MAGI1: variants seen among roughly 807,000 people sequenced by gnomAD.
MAGI1 encodes membrane associated guanylate kinase, WW and PDZ domain containing 1.
MAGI1 carries 58 observed loss-of-function variants against 139.9 expected under a neutral mutation model. The ratio of observed to expected loss-of-function variants is 0.41; its 90% CI spans 0.34 to 0.52. The LOEUF is 0.52. Among genes scored for constraint, MAGI1 ranks in the 20% least tolerant of loss-of-function variants. MAGI1 has a pLI of 0.12. For synonymous variants in MAGI1, 812 were observed against 737.9 expected (o/e 1.10, Z -1.63); for missense variants, 1,874 against 1,901.6 (o/e 0.99, Z 0.27).
chr3:65,458,529 T>G (rs961554849), intron 5 of MAGI1, among the ~76,000 whole-genome samples: 1 of 152,158 alleles, frequency 6.6e-6, no homozygotes, highest in Non-Finnish European at 1.5e-5. Flanking sequence ...GATAACTCAT[T>G]GTAGCTTTGA....
intron 1 of MAGI1, among the ~76,000 whole-genome samples, chr3:65,732,982 T>A (rs1292293933): frequency 6.6e-6 from 1 of 152,212 alleles, no homozygotes; most frequent in African/African-American, 2.4e-5. Context: ...AAGAATCTAT[T>A]AAGTTCTTGC....
intron 1 of MAGI1, among the ~76,000 whole-genome samples, chr3:65,881,496 G>A (rs2060328092): frequency 1.3e-5 from 2 of 152,008 alleles, no homozygotes; most frequent in South Asian, 4.2e-4. Context: ...GCATGGTGGT[G>A]TGTGCCTATA....
chr3:66,027,423 C>T (rs952138561), intron 1 of MAGI1, among the ~76,000 whole-genome samples: 1 of 152,172 alleles, frequency 6.6e-6, no homozygotes, highest in Non-Finnish European at 1.5e-5. Flanking sequence ...CCCACCACAG[C>T]CTCCCTCCCT....
intron 1 of MAGI1, among the ~76,000 whole-genome samples, chr3:66,013,683 C>A (rs2067465418): frequency 6.6e-6 from 1 of 151,258 alleles, no homozygotes; most frequent in African/African-American, 2.4e-5. Context: ...ATGGCTTGAA[C>A]CCAGGACGTG....
intron 2 of MAGI1, among the ~76,000 whole-genome samples, chr3:65,609,232 T>A (rs922534489): frequency 6.6e-6 from 1 of 152,136 alleles, no homozygotes; most frequent in Non-Finnish European, 1.5e-5. Flanking sequence ...AGTTAAGATT[T>A]TTATAACTTG....
At chr3:65,403,575 C>T (rs1428161003) in intron 12 of MAGI1, among the ~76,000 whole-genome samples, 1 of 152,120 alleles carries the variant, frequency 6.6e-6, no homozygotes, top group African/African-American at 2.4e-5. Flanking sequence ...GAGAGACCTT[C>T]TTAGTTAATT....
chr3:65,579,685 A>C (rs1025861550), intron 2 of MAGI1, among the ~76,000 whole-genome samples: 1 of 147,628 alleles, frequency 6.8e-6, no homozygotes, highest in Non-Finnish European at 1.5e-5. Context: ...GTCTCTACTA[A>C]AAATGCAAAA....
intron 1 of MAGI1, among the ~76,000 whole-genome samples, chr3:65,782,585 A>AT (rs1454698269): frequency 7.9e-5 from 11 of 138,470 alleles, no homozygotes; most frequent in African/African-American, 2.1e-4. Flanking sequence ...AATAAAAACT[A>AT]TTTTTTAAAG....
chr3:65,719,180 T>A (rs2032677563), intron 1 of MAGI1, among the ~76,000 whole-genome samples: 1 of 152,002 alleles, frequency 6.6e-6, no homozygotes. Context: ...CAAACAGCAG[T>A]CTAACTACAT....
At chr3:65,394,921 C>T (rs1333403418) in intron 13 of MAGI1, among the ~76,000 whole-genome samples, 2 of 152,140 alleles carry the variant, frequency 1.3e-5, no homozygotes, top group African/African-American at 4.8e-5. Flanking sequence ...TTGTATTTCA[C>T]CTCATTTTCC....
At chr3:65,518,873 T>C (rs1177578123) in intron 2 of MAGI1, among the ~76,000 whole-genome samples, 1 of 152,094 alleles carries the variant, frequency 6.6e-6, no homozygotes, top group Non-Finnish European at 1.5e-5. Flanking sequence ...AATATGTCAC[T>C]TAACGTGAGG....
At chr3:65,974,960 T>C (rs1377011553) in intron 1 of MAGI1, among the ~76,000 whole-genome samples, 1 of 152,098 alleles carries the variant, frequency 6.6e-6, no homozygotes, top group African/African-American at 2.4e-5. Context: ...TTTGAAATAA[T>C]CAAATCTTCT....
At chr3:65,742,678 T>G (rs1171821827) in intron 1 of MAGI1, among the ~76,000 whole-genome samples, 1 of 152,236 alleles carries the variant, frequency 6.6e-6, no homozygotes, top group Non-Finnish European at 1.5e-5. Flanking sequence ...ACAACCACAC[T>G]ACTTCATGCG....
intron 1 of MAGI1, among the ~76,000 whole-genome samples, chr3:65,864,708 C>T (rs1443611750): frequency 6.6e-6 from 1 of 152,162 alleles, no homozygotes; most frequent in Non-Finnish European, 1.5e-5. Flanking sequence ...CACCTGCCTC[C>T]AGGCTGTGGG....
At chr3:65,806,876 A>G (rs1348063521) in intron 1 of MAGI1, among the ~76,000 whole-genome samples, 1 of 152,146 alleles carries the variant, frequency 6.6e-6, no homozygotes, top group Non-Finnish European at 1.5e-5. Context: ...GGGAGGGAGG[A>G]GACAGTGCAA....
intron 2 of MAGI1, among the ~76,000 whole-genome samples, chr3:65,546,036 T>A (rs959051495): frequency 6.6e-6 from 1 of 151,056 alleles, no homozygotes; most frequent in Admixed American, 6.6e-5. Context: ...CAAAAATAAA[T>A]CTCCCTCTGT....
chr3:65,851,829 C>T (rs2059213964), intron 1 of MAGI1, among the ~76,000 whole-genome samples: 1 of 152,070 alleles, frequency 6.6e-6, no homozygotes. Context: ...CAAAAATATA[C>T]AGGCAGAAGT....
At chr3:65,683,714 C>T (rs1052992200) in intron 1 of MAGI1, among the ~76,000 whole-genome samples, 5 of 150,570 alleles carry the variant, frequency 3.3e-5, no homozygotes, top group African/African-American at 1.2e-4. Context: ...CAACATCATT[C>T]GGCATTAGGA....
At chr3:65,600,656 G>A (rs1361094233) in intron 2 of MAGI1, among the ~76,000 whole-genome samples, 1 of 152,210 alleles carries the variant, frequency 6.6e-6, no homozygotes, top group Non-Finnish European at 1.5e-5. Context: ...TAGAGCCAAG[G>A]GCAAGCTATG....
Sources: allele counts gnomAD v4.1 joint callset (sites outside exome capture counted in the v4.1 genomes callset), GRCh38; gene constraint gnomAD v4.1.1; transcripts MANE v1.5; gene names NCBI Gene and HGNC (gene_info 2026-07-23, HGNC 2026-07-21).